Variants in AGBL4 observed in about 807,000 individuals in gnomAD.
AGBL4 encodes cytosolic carboxypeptidase 6.
Under a neutral mutation model 66.4 loss-of-function variants are expected in AGBL4, and 58 were observed. The observed-to-expected ratio is 0.87, with a 90% confidence interval of 0.71 to 1.09. The LOEUF is 1.09. AGBL4 is among the 50% of genes least tolerant of loss of function. The pLI, the probability that AGBL4 is intolerant of heterozygous loss-of-function variation, is 0.00. For missense variants in AGBL4, 579 were observed against 631.0 expected (o/e 0.92, Z 0.88); for synonymous variants, 234 against 222.9 (o/e 1.05, Z -0.44).
chr1:49,332,477 T>C (rs1645354458), intron 3 of AGBL4, among the ~76,000 whole-genome samples: 1 of 152,204 alleles, frequency 6.6e-6, no homozygotes, highest in South Asian at 2.1e-4. Flanking sequence ...AAAGTCTGTA[T>C]AAGTCTAATG....
intron 3 of AGBL4, among the ~76,000 whole-genome samples, chr1:49,549,332 G>A (rs11205629): frequency 0.094 from 14,187 of 150,936 alleles, 888 homozygotes; most frequent in African/African-American, 0.17. Context: ...TTTGGGTTTG[G>A]TTTGTTCTTA....
At chr1:49,079,618 A>T (rs759399424) in intron 4 of AGBL4, among the ~76,000 whole-genome samples, 1 of 152,142 alleles carries the variant, frequency 6.6e-6, no homozygotes, top group Non-Finnish European at 1.5e-5. Context: ...TTGAGATGAG[A>T]TTTGGGTAGG....
intron 1 of AGBL4, among the ~76,000 whole-genome samples, chr1:49,870,807 T>C (rs1463943517): frequency 1.3e-5 from 2 of 152,076 alleles, no homozygotes; most frequent in African/African-American, 2.4e-5. Flanking sequence ...CCCACTCTGA[T>C]GGTTATTATA....
At chr1:49,128,260 A>T (rs1352218148) in intron 4 of AGBL4, among the ~76,000 whole-genome samples, 1 of 152,002 alleles carries the variant, frequency 6.6e-6, no homozygotes, top group Non-Finnish European at 1.5e-5. Context: ...GGAAATGAAG[A>T]GATACATTAT....
At chr1:49,695,373 G>A (rs1646963941) in intron 3 of AGBL4, among the ~76,000 whole-genome samples, 1 of 152,110 alleles carries the variant, frequency 6.6e-6, no homozygotes, top group Non-Finnish European at 1.5e-5. Context: ...AATTTGAAGT[G>A]AAAGACTCAG....
At chr1:48,597,663 G>A (rs1343810995) in intron 9 of AGBL4, among the ~76,000 whole-genome samples, 1 of 143,904 alleles carries the variant, frequency 6.9e-6, no homozygotes, top group Admixed American at 7.1e-5. Context: ...AAGAGAACAG[G>A]GAGAAGGAGA....
At chr1:49,711,514 G>A (rs1242232149) in intron 2 of AGBL4, among the ~76,000 whole-genome samples, 5 of 151,932 alleles carry the variant, frequency 3.3e-5, no homozygotes, top group Non-Finnish European at 5.9e-5. Context: ...ATTTATTCAC[G>A]AAAATGCAAA....
At position 48,840,454 on chromosome 1, in the gene AGBL4, G is replaced by C. The variant is rs181137555; in HGVS notation, c.634+26737C>G. 1.1e-4 allele frequency among the ~76,000 whole-genome samples: 16 copies of C among 152,280 alleles called. No individual in the cohort carries two copies. The East Asian group carries it at 1.5e-3, about 15-fold the overall frequency. On this transcript the variant is annotated intron_variant, in intron 6 of 13. Coordinates refer to ENST00000371839, the MANE Select transcript of AGBL4 (RefSeq NM_032785.4). Reference sequence around the variant, plus strand: ...TTGTAAAGTTTAAATGACTTAACATGCATGTAAGATACCTAACAGTGTAGG... The same window carrying C: ...TTGTAAAGTTTAAATGACTTAACATCCATGTAAGATACCTAACAGTGTAGG...
intron 3 of AGBL4, among the ~76,000 whole-genome samples, chr1:49,334,855 T>C (rs1297999080): frequency 6.6e-6 from 1 of 152,142 alleles, no homozygotes; most frequent in Non-Finnish European, 1.5e-5. Context: ...GCAAAAGAAA[T>C]TCCTACCACA....
chr1:49,268,767 A>C (rs1044062075), intron 3 of AGBL4, among the ~76,000 whole-genome samples: 3 of 152,164 alleles, frequency 2.0e-5, no homozygotes, highest in African/African-American at 7.2e-5. Flanking sequence ...TACCTTGCTT[A>C]ATGGTGGCAC....
Position 48,736,358 on chromosome 1 carries a change from A to C in AGBL4, c.635-73117T>G. ...CAGAACATCTGTTCCCCAAATCATA[A>C]CTGCCAAGTTCTTCGTGTACTTGGA... On this transcript the variant is annotated intron_variant, in intron 6 of 13. Transcript: ENST00000371839. This position sits in a 1 kb window ranked among gnomAD's most constrained non-coding sequence, Gnocchi z 4.0. 1 of 1,614,034 alleles carries C rather than the reference A, an allele frequency of 6.2e-7. No homozygotes were observed. Among genetic ancestry groups the C allele is most frequent in the Non-Finnish European group, 8.5e-7 (1 of 1,180,016 alleles).
At chr1:49,158,362 C>CAA (rs200719349) in intron 4 of AGBL4, among the ~76,000 whole-genome samples, 4 of 151,534 alleles carry the variant, frequency 2.6e-5, no homozygotes, top group African/African-American at 7.3e-5. Context: ...TTCTGCACAG[C>CAA]AAAAAAAACT....
chr1:49,151,665 A>C (rs890931007), intron 4 of AGBL4, among the ~76,000 whole-genome samples: 1 of 152,130 alleles, frequency 6.6e-6, no homozygotes, highest in Non-Finnish European at 1.5e-5. Context: ...TGGCGAAAAA[A>C]GACAGAGAGA....
rs375402128 is a variant in AGBL4, at chr1:49,908,784, C to A, written c.35-57266G>T. Among the ~76,000 whole-genome samples, 50 of 152,128 alleles carry A rather than the reference C, an allele frequency of 3.3e-4. 1 individual carries two copies. In the South Asian group the frequency reaches 9.6e-3, roughly 29 times the overall value. ...ATCAAATAAAAAAGGGGGTGGGTCT[C>A]AAACTGAGAAATAATAGCCATTTGC... is the stretch of plus-strand genomic sequence containing the variant. On this transcript the variant is annotated intron_variant, in intron 1 of 13. Coordinates refer to ENST00000371839, the MANE Select transcript of AGBL4 (RefSeq NM_032785.4).
At chr1:49,869,970 C>A (rs1247842692) in intron 1 of AGBL4, among the ~76,000 whole-genome samples, 1 of 151,802 alleles carries the variant, frequency 6.6e-6, no homozygotes, top group Non-Finnish European at 1.5e-5. Flanking sequence ...AGAATGTTCC[C>A]AACATAATAA....
At chr1:49,915,283 A>G (rs1651303424) in intron 1 of AGBL4, among the ~76,000 whole-genome samples, 1 of 151,980 alleles carries the variant, frequency 6.6e-6, no homozygotes, top group Non-Finnish European at 1.5e-5. Context: ...AAGCAGGGTG[A>G]GGCATTGCCT....
intron 4 of AGBL4, among the ~76,000 whole-genome samples, chr1:49,127,999 C>T (rs1645801019): frequency 6.6e-6 from 1 of 151,664 alleles, no homozygotes; most frequent in Admixed American, 6.6e-5. Flanking sequence ...AACAAGTCAA[C>T]AGGAACAAAT....
chr1:49,810,294 GGAAGTAAAAAGAGGAGTAA>G (rs1414137967), intron 2 of AGBL4, among the ~76,000 whole-genome samples: 1 of 151,762 alleles, frequency 6.6e-6, no homozygotes, highest in Non-Finnish European at 1.5e-5. Context: ...AATCCATCAG[GGAAGTAAAAAGAGGAGTAA>G]GAAATAATGT....
chr1:48,862,223 G>A (rs1042996666), intron 6 of AGBL4, among the ~76,000 whole-genome samples: 7 of 152,162 alleles, frequency 4.6e-5, no homozygotes, highest in Non-Finnish European at 1.0e-4. Flanking sequence ...AGGCACCAGA[G>A]CTAGCACATG....
Sources: allele counts gnomAD v4.1 joint callset (sites outside exome capture counted in the v4.1 genomes callset), GRCh38; gene constraint gnomAD v4.1.1; non-coding constraint Gnocchi (gnomAD v3.1); transcripts MANE v1.5; gene names NCBI Gene and HGNC (gene_info 2026-07-23, HGNC 2026-07-21).